VTI1A: variants seen among roughly 807,000 people sequenced by gnomAD.
The protein encoded by VTI1A is vesicle transport through interaction with t-SNAREs 1A.
VTI1A carries 22 observed loss-of-function variants against 34.9 expected under a neutral mutation model. The observed-to-expected ratio is 0.63, with a 90% CI of 0.45 to 0.90. VTI1A has a LOEUF of 0.90. VTI1A is among the 40% of genes least tolerant of loss of function. The probability of loss-of-function intolerance (pLI) is 0.00; values close to 1 mark genes in which losing one functional copy is unlikely to be tolerated. For synonymous variants in VTI1A, 87 were observed against 97.3 expected, an observed-to-expected ratio of 0.89 and a Z score of 0.62; for missense variants, 268 against 275.6, an observed-to-expected ratio of 0.97 and a Z score of 0.20.
upstream of VTI1A, chr10:112,447,124 C>T (rs1846852765): frequency 3.9e-6 from 2 of 512,028 alleles, no homozygotes; most frequent in Non-Finnish European, 7.1e-6. Context: ...CTAATTGGGG[C>T]GCTTTTCCTT....
intron 5 of VTI1A, among the ~76,000 whole-genome samples, chr10:112,591,938 C>G: frequency 6.6e-6 from 1 of 152,126 alleles, no homozygotes; most frequent in East Asian, 1.9e-4. Flanking sequence ...GTGTTGGAGG[C>G]AGAAGAGATT....
intron 7 of VTI1A, among the ~76,000 whole-genome samples, chr10:112,810,826 T>G (rs1246771449): frequency 2.6e-5 from 4 of 152,174 alleles, no homozygotes; most frequent in Admixed American, 2.6e-4. Context: ...CATGATATCA[T>G]CAGTCATCAA....
In VTI1A at chr10:112,643,210, G is replaced by T. The variant is rs371162361; in HGVS notation, c.428-25008G>T. ...CAGAGTTTCACCATGTGGCCAGGGT[G>T]GTCTTGAACTCCTGGCCTCAAGAAG... On this transcript the variant is annotated intron_variant, in intron 5 of 7. Transcript: ENST00000393077. Among the ~76,000 whole-genome samples the T allele has an allele frequency of 7.6e-4, 111 of 146,064 alleles. 1 individual carries two copies. Among genetic ancestry groups the T allele is most frequent in the African/African-American group, 2.6e-3 (102 of 39,568 alleles).
chr10:112,815,509 T>G lies in VTI1A; in HGVS notation c.*126T>G. ...TGACCCTCTCTCTCCCTCACCGCCGTTGGGCTGAAGTGCAAAGAGTGTAAA... is the reference window on the plus strand; with the variant it reads ...TGACCCTCTCTCTCCCTCACCGCCGGTGGGCTGAAGTGCAAAGAGTGTAAA... On this transcript the variant is annotated 3_prime_UTR_variant, in exon 8 of 8. Transcript: ENST00000393077. 1 of 796,940 alleles carries G rather than the reference T, an allele frequency of 1.3e-6. No homozygotes were observed. The highest frequency in any genetic ancestry group is 2.3e-4 in the Middle Eastern group (1 of 4,344). The allele number at this position is 796,940 out of a possible 1,614,324, so 49.4% of individuals were successfully genotyped here. A position where few individuals can be genotyped will look rare whatever the true frequency, so the allele number is the denominator to read the frequency against.
intron 5 of VTI1A, among the ~76,000 whole-genome samples, chr10:112,614,701 G>T (rs2134533824): frequency 6.6e-6 from 1 of 152,268 alleles, no homozygotes; most frequent in Middle Eastern, 3.4e-3. Flanking sequence ...CTGGTCAGTT[G>T]TGAAGTCAGG....
At chr10:112,622,253 T>C (rs1287094304) in intron 5 of VTI1A, among the ~76,000 whole-genome samples, 1 of 152,024 alleles carries the variant, frequency 6.6e-6, no homozygotes, top group Non-Finnish European at 1.5e-5. Context: ...GAAAGGGGTG[T>C]CAGAATATAG....
the VTI1A span, among the ~76,000 whole-genome samples, chr10:112,847,896 C>G: frequency 1.3e-5 from 2 of 152,178 alleles, no homozygotes; most frequent in African/African-American, 4.8e-5. Context: ...AACATATCTC[C>G]TATCTGAGGC....
At chr10:112,613,960 CT>C (rs1236064721) in intron 5 of VTI1A, among the ~76,000 whole-genome samples, 6 of 151,960 alleles carry the variant, frequency 3.9e-5, no homozygotes, top group East Asian at 1.9e-4. Flanking sequence ...CTTGCTGTTC[CT>C]TTTTTTTCGT....
At chr10:112,540,073 C>T (rs955210411) in intron 5 of VTI1A, among the ~76,000 whole-genome samples, 1 of 152,140 alleles carries the variant, frequency 6.6e-6, no homozygotes, top group Admixed American at 6.6e-5. Context: ...GGGGTCTTCT[C>T]GTCGTGACAC....
At chr10:112,757,479 G>A (rs956462572) in intron 7 of VTI1A, among the ~76,000 whole-genome samples, 10 of 142,798 alleles carry the variant, frequency 7.0e-5, no homozygotes, top group Admixed American at 1.5e-4. Context: ...CAATTCTTCC[G>A]CGTCAAGTGA....
chr10:112,652,464 T>C, intron 5 of VTI1A, among the ~76,000 whole-genome samples: 1 of 152,160 alleles, frequency 6.6e-6, no homozygotes, highest in East Asian at 1.9e-4. Context: ...CTCACGCCTG[T>C]AATCCCAGCC....
chr10:112,850,717 C>T, the VTI1A span, among the ~76,000 whole-genome samples: 1 of 152,212 alleles, frequency 6.6e-6, no homozygotes, highest in South Asian at 2.1e-4. Context: ...AGACCAGCTA[C>T]ATAATTTGGG....
chr10:112,696,365 G>T (rs17130023), intron 7 of VTI1A, among the ~76,000 whole-genome samples: 2,787 of 151,976 alleles, frequency 0.018, 89 homozygotes, highest in African/African-American at 0.064. Flanking sequence ...TTATAATTTT[G>T]GTAGCATAAG....
At chr10:112,628,250 A>G (rs901418020) in intron 5 of VTI1A, among the ~76,000 whole-genome samples, 1 of 152,114 alleles carries the variant, frequency 6.6e-6, no homozygotes, top group African/African-American at 2.4e-5. Context: ...TTTATATTTT[A>G]TATTTATAAA....
intron 4 of VTI1A, 54 bp downstream of exon 4, chr10:112,527,218 C>A: frequency 6.7e-7 from 1 of 1,501,656 alleles, no homozygotes; most frequent in Non-Finnish European, 9.3e-7. Context: ...AAGGAGGTCA[C>A]TGGCGCACTG....
At chr10:112,447,616 T>C in intron 1 of VTI1A, 149 bp downstream of exon 1, 1 of 932,648 alleles carries the variant, frequency 1.1e-6, no homozygotes, top group Non-Finnish European at 1.6e-6. Context: ...CTTGGCTTGG[T>C]TGAGGGTAAG....
chr10:112,583,557 G>A (rs946838080), intron 5 of VTI1A, among the ~76,000 whole-genome samples: 1 of 152,220 alleles, frequency 6.6e-6, no homozygotes, highest in Non-Finnish European at 1.5e-5. Context: ...TATTAAGGCT[G>A]TGGGTGCTGT....
intron 5 of VTI1A, among the ~76,000 whole-genome samples, chr10:112,565,538 A>G (rs906284462): frequency 3.3e-5 from 5 of 152,126 alleles, no homozygotes; most frequent in African/African-American, 1.2e-4. Flanking sequence ...TTTCCTGTAT[A>G]CCTCTGATCA....
At chr10:112,770,046 G>C (rs1851759357) in intron 7 of VTI1A, among the ~76,000 whole-genome samples, 2 of 151,668 alleles carry the variant, frequency 1.3e-5, no homozygotes. Flanking sequence ...TGTAAATGTT[G>C]GCAACGATTT....
Sources: allele counts gnomAD v4.1 joint callset (sites outside exome capture counted in the v4.1 genomes callset), GRCh38; gene constraint gnomAD v4.1.1; transcripts MANE v1.5; gene names NCBI Gene and HGNC (gene_info 2026-07-23, HGNC 2026-07-21).